MYDGF: variants seen among roughly 807,000 people sequenced by gnomAD.
MYDGF encodes myeloid-derived growth factor.
A neutral mutation model predicts 24.2 loss-of-function variants in MYDGF; 29 were observed. That is an observed-to-expected ratio of 1.20 (90% confidence interval 0.89 to 1.63). MYDGF has a LOEUF of 1.63. Ranked by LOEUF, MYDGF falls within the 40% of genes most tolerant of loss-of-function variation. The pLI, the probability that MYDGF is intolerant of heterozygous loss-of-function variation, is 0.00. For missense variants in MYDGF, 245 were observed against 234.8 expected, an observed-to-expected ratio of 1.04 and a Z score of -0.29; for synonymous variants, 105 against 102.5, an observed-to-expected ratio of 1.02 and a Z score of -0.15.
At chr19:4,662,672 C>A (rs1022482156) in intron 3 of MYDGF, among the ~76,000 whole-genome samples, 3 of 152,052 alleles carry the variant, frequency 2.0e-5, no homozygotes, top group African/African-American at 7.3e-5. Context: ...TTGTCTGATT[C>A]CCAGATGTCT....
chr19:4,669,108 GA>G (rs2088543057), intron 1 of MYDGF, among the ~76,000 whole-genome samples: 1 of 152,062 alleles, frequency 6.6e-6, no homozygotes, highest in South Asian at 2.1e-4. Context: ...TTTTTTATGT[GA>G]AGCATTTTCT....
In MYDGF at chr19:4,657,823, T is replaced by TCTG. The variant is rs1338756807; in HGVS notation, c.*179_*181dup. 1.6e-5 allele frequency: 9 copies of TCTG among 547,050 alleles called. No individual in the cohort carries two copies. Among genetic ancestry groups the TCTG allele is most frequent in the African/African-American group, 7.6e-5 (4 of 52,744 alleles). The allele number at this position is 547,050 out of a possible 1,614,324, so 33.9% of individuals were successfully genotyped here. ...TGGGAGCCAGGAGGGCCCTGGACCC[T>TCTG]CTGTTCTCTGCCCCAGGGCTTCAGC... is the stretch of plus-strand genomic sequence containing the variant. On this transcript the variant is annotated 3_prime_UTR_variant, in exon 6 of 6. Transcript: ENST00000262947.
intron 2 of MYDGF, among the ~76,000 whole-genome samples, chr19:4,665,753 G>A (rs1209392698): frequency 2.7e-5 from 4 of 147,746 alleles, no homozygotes; most frequent in African/African-American, 4.9e-5. Context: ...CCCGGGAGGC[G>A]GAGCTTGCAG....
rs61729798 is a variant in MYDGF at position 4,660,681 on chromosome 19, G to A, written c.357C>T (p.Tyr119=). 977 of 1,613,918 alleles carry A rather than the reference G, an allele frequency of 6.1e-4. 5 individuals carry two copies. In the African/African-American group the frequency reaches 0.011, roughly 19 times the overall value. The change falls in exon 4 of 6, where the codon TAC becomes TAT. Residue 119 remains tyrosine, a synonymous_variant. Transcript: ENST00000262947. ...KAEVRGAEIE[Y]AMAYSKAAFE... is the part of the protein sequence containing the mutation. ...CCAAGATACTCACGTAGGCCATGGC[G>A]TACTCAATCTCAGCGCCCCGCACCT...
intron 2 of MYDGF, among the ~76,000 whole-genome samples, chr19:4,667,769 C>T (rs938029227): frequency 4.0e-5 from 6 of 151,752 alleles, no homozygotes; most frequent in African/African-American, 9.7e-5. Flanking sequence ...ACAATCACGG[C>T]TCACTACAGC....
chr19:4,659,261 C>T (rs535466951), intron 5 of MYDGF, among the ~76,000 whole-genome samples: 6 of 151,870 alleles, frequency 4.0e-5, no homozygotes, highest in African/African-American at 1.4e-4. Context: ...CTTTTTGAGA[C>T]AGAATCTTGC....
At chr19:4,659,233 GC>G (rs1463536414) in intron 5 of MYDGF, among the ~76,000 whole-genome samples, 1 of 151,776 alleles carries the variant, frequency 6.6e-6, no homozygotes, top group African/African-American at 2.4e-5. Flanking sequence ...ACACCACCAT[GC>G]CCGGCTAATT....
At position 4,659,992 on chromosome 19, in the gene MYDGF, T is replaced by C. The variant is rs781222111; in HGVS notation, c.381A>G (p.Ala127=). Residue 127 remains alanine (A), a synonymous_variant, in exon 5 of 6, where the codon GCA becomes GCG. Transcript: ENST00000262947. ...GAGGGACATCACTTTCCCTTTCAAA[T>C]GCGGCTTTAGACTGAAAAAGAATGA... ...IEYAMAYSKA[A]FERESDVPLK... 3 of 1,613,852 alleles carry C rather than the reference T, an allele frequency of 1.9e-6. No homozygotes were observed. The African/African-American group carries it at 4.0e-5, about 22-fold the overall frequency.
chr19:4,668,519 G>A (rs1332507431), intron 2 of MYDGF, 76 bp downstream of exon 2: 41 of 1,333,670 alleles, frequency 3.1e-5, no homozygotes, highest in Non-Finnish European at 4.3e-5. Flanking sequence ...ACCCAACCCT[G>A]CTGTCTGCTA....
chr19:4,665,485 A>G (rs1433119076), intron 2 of MYDGF, among the ~76,000 whole-genome samples: 1 of 152,156 alleles, frequency 6.6e-6, no homozygotes, highest in Non-Finnish European at 1.5e-5. Context: ...GATTACAGAT[A>G]TAAGCCACCA....
chr19:4,666,298 T>C (rs917846535), intron 2 of MYDGF, among the ~76,000 whole-genome samples: 6 of 150,924 alleles, frequency 4.0e-5, no homozygotes, highest in African/African-American at 1.5e-4. Context: ...TTTTTTGAGA[T>C]GGAGTCTCGC....
intron 2 of MYDGF, among the ~76,000 whole-genome samples, chr19:4,667,819 T>C (rs1295500349): frequency 6.6e-6 from 1 of 151,850 alleles, no homozygotes; most frequent in Non-Finnish European, 1.5e-5. Context: ...CACCTCAGTC[T>C]CCCAAGTAGC....
At chr19:4,663,409 A>G (rs1315262658) in intron 3 of MYDGF, among the ~76,000 whole-genome samples, 3 of 104,134 alleles carry the variant, frequency 2.9e-5, no homozygotes, top group Non-Finnish European at 5.9e-5. Context: ...ACAGCCTCCA[A>G]TCTGTGCCCT....
intron 1 of MYDGF, 46 bp from the exon 2 acceptor site, chr19:4,668,691 A>G: frequency 2.6e-6 from 4 of 1,551,672 alleles, no homozygotes; most frequent in Non-Finnish European, 3.6e-6. Context: ...GGAAATTTTT[A>G]TTTTGTTTAA....
At chr19:4,663,934 C>T (rs1043833810) in intron 3 of MYDGF, among the ~76,000 whole-genome samples, 1 of 151,200 alleles carries the variant, frequency 6.6e-6, no homozygotes, top group Admixed American at 6.6e-5. Flanking sequence ...CTCCTTCAGC[C>T]GGGGGGATCT....
intron 4 of MYDGF, among the ~76,000 whole-genome samples, 176 bp from the exon 5 acceptor site, chr19:4,660,179 G>C (rs1411816365): frequency 6.6e-6 from 1 of 152,194 alleles, no homozygotes; most frequent in Non-Finnish European, 1.5e-5. Flanking sequence ...AGGCTGGAAT[G>C]CAGCAGTGCA....
At position 4,667,330 on chromosome 19, in the gene MYDGF, G is replaced by A. The variant is rs1035801726; in HGVS notation, c.225+1265C>T. ...TTTTTAGTAGAGACGGGGTTTCACC[G>A]TGTTAGCCAGGATGGTCTCGATCTC... On this transcript the variant is annotated intron_variant, in intron 2 of 5. Coordinates refer to ENST00000262947, the MANE Select transcript of MYDGF (RefSeq NM_019107.4). Among the ~76,000 whole-genome samples, 7 of 151,622 alleles carry A rather than the reference G, an allele frequency of 4.6e-5. No individual in the cohort carries two copies. The East Asian group carries it at 1.2e-3, about 25-fold the overall frequency.
At position 4,670,286 on chromosome 19, in the gene MYDGF, C is replaced by G; in HGVS notation, c.49G>C (p.Ala17Pro). ...GCCACGGCCCCTAGGAGCAGCGCGG[C>G]CCACAAGCTCGCGCCGACGCCGTTC... is the stretch of plus-strand genomic sequence containing the variant. ...GWNGVGASLW[A>P]ALLLGAVALR... Residue 17 changes from alanine (A) to proline (P), a missense_variant, in exon 1 of 6, where the codon GCC becomes CCC. Ala to Pro is a conservative substitution (Grantham distance 27). Coordinates refer to ENST00000262947, the MANE Select transcript of MYDGF (RefSeq NM_019107.4). The G allele has an allele frequency of 6.6e-7, 1 of 1,524,194 alleles. No homozygotes were observed. Among genetic ancestry groups the G allele is most frequent in the Non-Finnish European group, 8.8e-7 (1 of 1,136,646 alleles). The allele number at this position is 1,524,194 out of a possible 1,614,324, so 94.4% of individuals were successfully genotyped here.
chr19:4,662,484 T>C (rs1279344198), intron 3 of MYDGF, among the ~76,000 whole-genome samples: 9 of 152,100 alleles, frequency 5.9e-5, no homozygotes. Flanking sequence ...AGCTGGGATC[T>C]AGGCAGTGGG....
Sources: gnomAD v4.1 joint callset for allele counts (sites outside exome capture counted in the v4.1 genomes callset) on GRCh38, gnomAD v4.1.1 for gene constraint, MANE v1.5 for transcripts, NCBI Gene and HGNC (gene_info 2026-07-23, HGNC 2026-07-21) for gene names.